The following CPQ variants were observed in gnomAD, a reference collection of about 807,000 sequenced individuals.
The protein encoded by CPQ is Ser-Met dipeptidase.
A neutral mutation model predicts 45.7 loss-of-function variants in CPQ; 37 were observed. That is an observed-to-expected ratio of 0.81 (90% CI 0.62 to 1.07). The LOEUF is 1.07. CPQ is among the 50% of genes least tolerant of loss of function. The pLI is 0.00. For synonymous variants in CPQ, 186 were observed against 205.8 expected (o/e 0.90, Z 0.82); for missense variants, 537 against 572.9 (o/e 0.94, Z 0.64).
chr8:96,794,331 G>C (rs1340967700), intron 2 of CPQ, among the ~76,000 whole-genome samples: 1 of 152,184 alleles, frequency 6.6e-6, no homozygotes, highest in Non-Finnish European at 1.5e-5. Context: ...CGTGAGGCTT[G>C]TGCCCTCTGA....
At chr8:96,691,708 C>T (rs113963234) in intron 1 of CPQ, among the ~76,000 whole-genome samples, 3,693 of 152,192 alleles carry the variant, frequency 0.024, 166 homozygotes, top group African/African-American at 0.084. Flanking sequence ...AATTCCATTG[C>T]TGGGAAATAT....
intron 4 of CPQ, among the ~76,000 whole-genome samples, chr8:96,914,148 G>C (rs1424933028): frequency 1.3e-5 from 2 of 152,122 alleles, no homozygotes; most frequent in Non-Finnish European, 2.9e-5. Context: ...TATGTCATCA[G>C]ACAACTTCAC....
At chr8:96,652,634 T>C (rs2130704589) in intron 1 of CPQ, among the ~76,000 whole-genome samples, 1 of 151,818 alleles carries the variant, frequency 6.6e-6, no homozygotes, top group Non-Finnish European at 1.5e-5. Context: ...GTCACCAGAA[T>C]TTTTTTTTGT....
intron 4 of CPQ, among the ~76,000 whole-genome samples, chr8:96,911,050 G>A (rs936043602): frequency 6.6e-6 from 1 of 151,796 alleles, no homozygotes; most frequent in African/African-American, 2.4e-5. Flanking sequence ...GTTGTAGTTA[G>A]GACTTTTTAT....
chr8:96,823,650 T>C (rs1811339588), intron 2 of CPQ, among the ~76,000 whole-genome samples: 1 of 152,000 alleles, frequency 6.6e-6, no homozygotes. Flanking sequence ...CTCTTCAAAT[T>C]CCTTTGGTAA....
intron 4 of CPQ, among the ~76,000 whole-genome samples, chr8:96,893,072 C>T (rs1812398273): frequency 6.6e-6 from 1 of 152,150 alleles, no homozygotes; most frequent in Admixed American, 6.5e-5. Flanking sequence ...GCTGTTATAT[C>T]CATATAACAG....
At chr8:97,037,332 A>T (rs1810021075) in intron 6 of CPQ, among the ~76,000 whole-genome samples, 2 of 152,236 alleles carry the variant, frequency 1.3e-5, no homozygotes, top group African/African-American at 2.4e-5. Flanking sequence ...TGCTAGAGTA[A>T]GGGTATTATA....
At chr8:97,079,121 T>C (rs1285487174) in intron 7 of CPQ, among the ~76,000 whole-genome samples, 1 of 152,126 alleles carries the variant, frequency 6.6e-6, no homozygotes, top group African/African-American at 2.4e-5. Flanking sequence ...TTATTTTTGT[T>C]TTAAAACCTC....
intron 1 of CPQ, among the ~76,000 whole-genome samples, chr8:96,688,000 T>A (rs559764420): frequency 2.9e-4 from 44 of 151,516 alleles, no homozygotes; most frequent in South Asian, 8.3e-4. Context: ...CTGAAAAAAA[T>A]TTTTTTTTGC....
intron 7 of CPQ, among the ~76,000 whole-genome samples, chr8:97,101,968 C>G (rs939068817): frequency 6.6e-6 from 1 of 151,046 alleles, no homozygotes; most frequent in Non-Finnish European, 1.5e-5. Flanking sequence ...CTCTCTCTCT[C>G]TCTCTCTCTC....
rs374265986 is a variant in CPQ, at chr8:96,736,189, C to G, written c.-34-48675C>G. Reference sequence around the variant, plus strand: ...TTATGATGGAGTACTACCAGACCTGCCTAATCATATGAATTATTGCATTTG... The same window carrying G: ...TTATGATGGAGTACTACCAGACCTGGCTAATCATATGAATTATTGCATTTG... On this transcript the variant is annotated intron_variant, in intron 1 of 7. Transcript: ENST00000220763. Among the ~76,000 whole-genome samples the G allele has an allele frequency of 8.5e-5, 13 of 152,158 alleles. No homozygotes were observed. In the East Asian group the frequency reaches 2.5e-3, roughly 29 times the overall value.
chr8:96,796,016 G>A (rs983841939), intron 2 of CPQ, among the ~76,000 whole-genome samples: 15 of 151,854 alleles, frequency 9.9e-5, no homozygotes, highest in Non-Finnish European at 1.6e-4. Context: ...ATGATACAAC[G>A]TAAATATATA....
intron 1 of CPQ, among the ~76,000 whole-genome samples, chr8:96,780,252 C>T (rs1260565235): frequency 6.6e-6 from 1 of 152,114 alleles, no homozygotes; most frequent in Non-Finnish European, 1.5e-5. Flanking sequence ...GTGCAAATAA[C>T]TCTGGGGTGT....
chr8:96,891,112 G>T (rs1279707786), intron 4 of CPQ, among the ~76,000 whole-genome samples: 1 of 152,192 alleles, frequency 6.6e-6, no homozygotes, highest in South Asian at 2.1e-4. Flanking sequence ...AATTCCATGA[G>T]CATGCACACA....
chr8:96,926,564 C>CT (rs1563530761), intron 4 of CPQ, among the ~76,000 whole-genome samples: 3 of 64,278 alleles, frequency 4.7e-5, no homozygotes, highest in African/African-American at 1.9e-4. Context: ...CTTCCTCTTC[C>CT]TCTTCCTCTT....
At chr8:96,675,319 A>G (rs540455658) in intron 1 of CPQ, among the ~76,000 whole-genome samples, 1 of 151,926 alleles carries the variant, frequency 6.6e-6, no homozygotes, top group Non-Finnish European at 1.5e-5. Flanking sequence ...TTTATTCTGC[A>G]CCTTGCTTTG....
chr8:96,846,623 A>T (rs1811694844), intron 3 of CPQ, among the ~76,000 whole-genome samples: 1 of 152,190 alleles, frequency 6.6e-6, no homozygotes. Flanking sequence ...TAAGGTTGTT[A>T]TAACACTGAA....
chr8:96,683,740 T>A (rs1172269702), intron 1 of CPQ, among the ~76,000 whole-genome samples: 1 of 139,160 alleles, frequency 7.2e-6, no homozygotes, highest in Non-Finnish European at 1.6e-5. Context: ...TATTTTTTTC[T>A]TTTCTCTTTT....
intron 7 of CPQ, among the ~76,000 whole-genome samples, chr8:97,087,959 A>C (rs1811067706): frequency 6.6e-6 from 1 of 152,190 alleles, no homozygotes; most frequent in African/African-American, 2.4e-5. Context: ...CCAATATTAT[A>C]TGATAATATT....
Sources: allele counts gnomAD v4.1 joint callset (sites outside exome capture counted in the v4.1 genomes callset), GRCh38; gene constraint gnomAD v4.1.1; transcripts MANE v1.5; gene names NCBI Gene and HGNC (gene_info 2026-07-23, HGNC 2026-07-21).